Variants in ROBO2 observed in about 807,000 individuals in gnomAD.
ROBO2 encodes roundabout guidance receptor 2, also known as roundabout homolog 2.
In ROBO2, 53 loss-of-function variants were observed where a neutral mutation model predicts 160.8. The ratio of observed to expected loss-of-function variants is 0.33; its 90% CI spans 0.26 to 0.41. The LOEUF (loss-of-function observed/expected upper bound fraction) is 0.41, where lower values mean the gene tolerates loss of function less well. ROBO2 is among the 10% of genes least tolerant of loss of function. The pLI, the probability that ROBO2 is intolerant of heterozygous loss-of-function variation, is 1.00. For synonymous variants in ROBO2, 664 were observed against 611.7 expected (o/e 1.09, Z -1.26); for missense variants, 1,577 against 1,722.4 (o/e 0.92, Z 1.49).
At chr3:77,588,329 G>A (rs985793840) in intron 16 of ROBO2, among the ~76,000 whole-genome samples, 3 of 152,012 alleles carry the variant, frequency 2.0e-5, no homozygotes, top group Non-Finnish European at 4.4e-5. Flanking sequence ...TGAACATTTG[G>A]AATATGGACC....
chr3:77,230,584 C>T (rs896031864), intron 2 of ROBO2, among the ~76,000 whole-genome samples: 1 of 152,194 alleles, frequency 6.6e-6, no homozygotes, highest in African/African-American at 2.4e-5. Flanking sequence ...ATTGTTAGGG[C>T]ATATTACTTT....
At chr3:77,512,320 G>A in intron 5 of ROBO2, among the ~76,000 whole-genome samples, 1 of 151,994 alleles carries the variant, frequency 6.6e-6, no homozygotes, top group East Asian at 1.9e-4. Flanking sequence ...AATGGAGAGA[G>A]CATTTTAGAA....
intron 2 of ROBO2, among the ~76,000 whole-genome samples, chr3:76,962,093 G>A (rs2079705679): frequency 6.6e-6 from 1 of 152,086 alleles, no homozygotes; most frequent in Non-Finnish European, 1.5e-5. Flanking sequence ...TCAGCACTTT[G>A]GGAGTCCAAG....
intron 2 of ROBO2, among the ~76,000 whole-genome samples, chr3:77,428,577 C>T (rs898101636): frequency 1.3e-5 from 2 of 150,814 alleles, no homozygotes; most frequent in Admixed American, 6.6e-5. Context: ...AGGATGGTCT[C>T]GATCTCCTGA....
chr3:77,052,137 T>A (rs1378352452), intron 1 of ROBO2, among the ~76,000 whole-genome samples: 1 of 152,136 alleles, frequency 6.6e-6, no homozygotes, highest in Non-Finnish European at 1.5e-5. Flanking sequence ...TCCCTTCTTA[T>A]CCAGCAGTAA....
intron 2 of ROBO2, among the ~76,000 whole-genome samples, chr3:77,187,582 T>G (rs1217768146): frequency 6.6e-6 from 1 of 151,978 alleles, no homozygotes; most frequent in Non-Finnish European, 1.5e-5. Context: ...CTGCAGAATC[T>G]GTGGATCATC....
At chr3:76,409,271 A>G (rs1441789103) in intron 2 of ROBO2, among the ~76,000 whole-genome samples, 2 of 152,048 alleles carry the variant, frequency 1.3e-5, no homozygotes, top group African/African-American at 4.8e-5. Flanking sequence ...TCGGGCTGGC[A>G]GTTGGTCATT....
chr3:76,321,498 A>AGC (rs2072522101), intron 2 of ROBO2, among the ~76,000 whole-genome samples: 1 of 62,776 alleles, frequency 1.6e-5, no homozygotes, highest in Admixed American at 1.2e-4. Flanking sequence ...CTCCATCTCA[A>AGC]AAAACAACAA....
At chr3:76,735,115 A>T (rs2093688515) in intron 2 of ROBO2, among the ~76,000 whole-genome samples, 1 of 152,200 alleles carries the variant, frequency 6.6e-6, no homozygotes, top group Non-Finnish European at 1.5e-5. Flanking sequence ...AAATTGTTCT[A>T]CGAAAAAGAT....
At chr3:76,224,242 G>A (rs1488668039) in intron 2 of ROBO2, among the ~76,000 whole-genome samples, 1 of 152,176 alleles carries the variant, frequency 6.6e-6, no homozygotes, top group Non-Finnish European at 1.5e-5. Flanking sequence ...ACATCTGCAA[G>A]GTGGAGAACC....
intron 2 of ROBO2, among the ~76,000 whole-genome samples, chr3:75,947,174 G>A (rs1474522278): frequency 6.6e-6 from 1 of 151,998 alleles, no homozygotes; most frequent in Admixed American, 6.6e-5. Flanking sequence ...AAGTGACAGA[G>A]GTGTGGGCAG....
intron 2 of ROBO2, among the ~76,000 whole-genome samples, chr3:76,421,517 A>C (rs2075995030): frequency 6.6e-6 from 1 of 152,096 alleles, no homozygotes; most frequent in African/African-American, 2.4e-5. Flanking sequence ...GCCTGAGGTC[A>C]GGAGTGTGAC....
At chr3:76,892,251 C>A (rs2074405082) in intron 2 of ROBO2, among the ~76,000 whole-genome samples, 1 of 150,414 alleles carries the variant, frequency 6.6e-6, no homozygotes, top group African/African-American at 2.5e-5. Context: ...CAACTGCACA[C>A]AGAACTAACT....
intron 7 of ROBO2, among the ~76,000 whole-genome samples, chr3:77,549,449 C>A (rs1203632875): frequency 6.6e-6 from 1 of 151,942 alleles, no homozygotes; most frequent in Non-Finnish European, 1.5e-5. Context: ...TGTTTCTATG[C>A]ATGAAAATGT....
chr3:76,620,390 T>A (rs989649205), intron 2 of ROBO2, among the ~76,000 whole-genome samples: 1 of 152,116 alleles, frequency 6.6e-6, no homozygotes, highest in Non-Finnish European at 1.5e-5. Context: ...TAACGAAAAA[T>A]CATTCGTAAA....
intron 2 of ROBO2, among the ~76,000 whole-genome samples, chr3:76,739,952 T>C (rs1251439608): frequency 6.6e-6 from 1 of 152,244 alleles, no homozygotes; most frequent in Non-Finnish European, 1.5e-5. Flanking sequence ...GTTGTGTGCT[T>C]GTAGCACATA....
intron 2 of ROBO2, among the ~76,000 whole-genome samples, chr3:76,338,974 T>C (rs1333549068): frequency 2.0e-5 from 3 of 152,204 alleles, no homozygotes; most frequent in South Asian, 4.1e-4. Flanking sequence ...GAAAAACTGT[T>C]GAAGTTTTGT....
At chr3:75,909,413 T>C (rs1013647633) in intron 1 of ROBO2, among the ~76,000 whole-genome samples, 1 of 152,162 alleles carries the variant, frequency 6.6e-6, no homozygotes, top group Non-Finnish European at 1.5e-5. Flanking sequence ...GAGTCTCAAA[T>C]GCATTGAAAC....
chr3:76,956,644 G>A (rs926724120), intron 2 of ROBO2, among the ~76,000 whole-genome samples: 1 of 151,852 alleles, frequency 6.6e-6, no homozygotes, highest in Non-Finnish European at 1.5e-5. Context: ...ATACAAACCT[G>A]TGGGATTATA....
Sources: gnomAD v4.1 joint callset for allele counts (sites outside exome capture counted in the v4.1 genomes callset) on GRCh38, gnomAD v4.1.1 for gene constraint, MANE v1.5 for transcripts, NCBI Gene and HGNC (gene_info 2026-07-23, HGNC 2026-07-21) for gene names.